Variants in NCAM2 observed in about 807,000 individuals in gnomAD.
NCAM2 encodes the protein neural cell adhesion molecule 2, also known as N-CAM-2.
A neutral mutation model predicts 98.1 loss-of-function variants in NCAM2; 30 were observed. The ratio of observed to expected loss-of-function variants is 0.31; its 90% confidence interval spans 0.23 to 0.41. The LOEUF is 0.41. Ranked by LOEUF, NCAM2 falls within the 10% of genes least tolerant of loss-of-function variation. NCAM2 has a pLI of 1.00. For synonymous variants in NCAM2, 368 were observed against 342.4 expected (o/e 1.07, Z -0.83); for missense variants, 867 against 1,005.8 (o/e 0.86, Z 1.87).
At chr21:21,341,821 A>G (rs748617979) in intron 8 of NCAM2, among the ~76,000 whole-genome samples, 2 of 152,060 alleles carry the variant, frequency 1.3e-5, no homozygotes, top group African/African-American at 4.8e-5. Flanking sequence ...ACTGAGCTCA[A>G]TAATTAGATA....
intron 1 of NCAM2, among the ~76,000 whole-genome samples, chr21:21,030,559 C>A (rs185470087): frequency 2.0e-5 from 3 of 152,312 alleles, no homozygotes; most frequent in Admixed American, 6.5e-5. Flanking sequence ...ATCACTCCTG[C>A]AAAGTCTTTT....
At chr21:21,006,463 A>T (rs111920279) in intron 1 of NCAM2, among the ~76,000 whole-genome samples, 9,781 of 152,180 alleles carry the variant, frequency 0.064, 309 homozygotes, top group African/African-American at 0.073. Flanking sequence ...AAGCAGAGAT[A>T]GCATCACTGC....
At chr21:21,116,809 C>A (rs1318315698) in intron 1 of NCAM2, among the ~76,000 whole-genome samples, 1 of 151,392 alleles carries the variant, frequency 6.6e-6, no homozygotes, top group African/African-American at 2.4e-5. Context: ...GAGCCGAGAT[C>A]GTGCCACTGC....
intron 1 of NCAM2, among the ~76,000 whole-genome samples, chr21:21,050,565 T>C (rs1298169818): frequency 6.6e-6 from 1 of 152,228 alleles, no homozygotes; most frequent in East Asian, 1.9e-4. Context: ...GTATCATTTT[T>C]GTTTGTCCTG....
intron 13 of NCAM2, 151 bp from the exon 14 acceptor site, chr21:21,468,511 C>G: frequency 2.8e-6 from 2 of 710,506 alleles, no homozygotes; most frequent in Non-Finnish European, 4.1e-6. Flanking sequence ...GGAAAATGTT[C>G]AGAAATTATA....
intron 1 of NCAM2, among the ~76,000 whole-genome samples, chr21:21,229,765 G>T (rs937375620): frequency 1.3e-5 from 2 of 151,216 alleles, no homozygotes; most frequent in Admixed American, 6.6e-5. Context: ...ATCCATTCTT[G>T]TATCAGTTAT....
chr21:21,531,918 A>G (rs1457418248), intron 16 of NCAM2, among the ~76,000 whole-genome samples: 3 of 149,726 alleles, frequency 2.0e-5, no homozygotes, highest in African/African-American at 7.4e-5. Flanking sequence ...GCGTGAACCC[A>G]GGAGCGGAGC....
chr21:21,338,426 A>T lies in NCAM2; in HGVS notation c.936A>T (p.Thr312=). The T allele has an allele frequency of 6.2e-7, 1 of 1,612,684 alleles. No individual in the cohort carries two copies. Among genetic ancestry groups the T allele is most frequent in the Non-Finnish European group, 8.5e-7 (1 of 1,179,046 alleles). Residue 312 remains threonine (T), a synonymous_variant, in exon 8 of 18, where the codon ACA becomes ACT. Transcript: ENST00000400546. Reference sequence around the variant, plus strand: ...TAATACAGCTTAAAAATGAAACTACATATGAGAATGGTCAAGTCACACTCG... The same window carrying T: ...TAATACAGCTTAAAAATGAAACTACTTATGAGAATGGTCAAGTCACACTCG... ...PHIIQLKNET[T]YENGQVTLVC... is the part of the protein sequence containing the mutation.
intron 16 of NCAM2, among the ~76,000 whole-genome samples, chr21:21,525,660 T>C (rs1216903225): frequency 6.6e-6 from 1 of 152,152 alleles, no homozygotes; most frequent in Non-Finnish European, 1.5e-5. Flanking sequence ...TTTCTCATTC[T>C]ATGAAGCCAG....
intron 1 of NCAM2, among the ~76,000 whole-genome samples, chr21:21,139,558 AT>A (rs2067125622): frequency 6.6e-6 from 1 of 152,188 alleles, no homozygotes; most frequent in African/African-American, 2.4e-5. Context: ...AAAACATCTA[AT>A]TGTAACAGTC....
At chr21:21,336,199 A>G (rs1444272946) in intron 7 of NCAM2, among the ~76,000 whole-genome samples, 2 of 152,186 alleles carry the variant, frequency 1.3e-5, no homozygotes, top group African/African-American at 2.4e-5. Context: ...CGTAGCTTCA[A>G]TTATGTTTAC....
At chr21:21,261,001 GAAGTA>G (rs1168858981) in intron 1 of NCAM2, among the ~76,000 whole-genome samples, 1 of 151,954 alleles carries the variant, frequency 6.6e-6, no homozygotes, top group East Asian at 1.9e-4. Flanking sequence ...CCAAAAGATT[GAAGTA>G]AAGTTATGTC....
intron 16 of NCAM2, among the ~76,000 whole-genome samples, chr21:21,522,632 C>CTTTTTTTTTTTTTT (rs61635255): frequency 2.4e-5 from 3 of 124,774 alleles, no homozygotes; most frequent in African/African-American, 5.9e-5. Flanking sequence ...TTTTCTTTTT[C>CTTTTTTTTTTTTTT]TTTTTTTTTT....
At chr21:21,444,601 G>A (rs1471923865) in intron 12 of NCAM2, among the ~76,000 whole-genome samples, 1 of 152,092 alleles carries the variant, frequency 6.6e-6, no homozygotes, top group East Asian at 1.9e-4. Context: ...ATTTCTTCTA[G>A]ATTTTCTAGT....
At chr21:21,511,135 C>G (rs973949615) in intron 16 of NCAM2, among the ~76,000 whole-genome samples, 1 of 151,952 alleles carries the variant, frequency 6.6e-6, no homozygotes, top group East Asian at 1.9e-4. Flanking sequence ...TCCAATTCTC[C>G]TCCTTTAGTT....
chr21:21,178,860 G>A (rs2068381234), intron 1 of NCAM2, among the ~76,000 whole-genome samples: 1 of 151,968 alleles, frequency 6.6e-6, no homozygotes, highest in Admixed American at 6.6e-5. Flanking sequence ...CTTCAGGCTT[G>A]AAGAGACTAT....
chr21:21,038,977 G>A (rs7510539), intron 1 of NCAM2, among the ~76,000 whole-genome samples: 143,225 of 152,206 alleles, frequency 0.94, 67,997 homozygotes, highest in East Asian at 1. Context: ...TCACTAAAGG[G>A]TATATTTCTT....
intron 1 of NCAM2, among the ~76,000 whole-genome samples, chr21:21,127,512 G>T (rs554503913): frequency 6.6e-6 from 1 of 151,882 alleles, no homozygotes; most frequent in Non-Finnish European, 1.5e-5. Context: ...TAATTTCTCT[G>T]TAACTATAGT....
intron 1 of NCAM2, among the ~76,000 whole-genome samples, chr21:21,156,738 T>C (rs1049207298): frequency 1.3e-5 from 2 of 152,076 alleles, no homozygotes; most frequent in African/African-American, 2.4e-5. Flanking sequence ...AGGTAATTTC[T>C]TCCAGAAACC....
Sources: gnomAD v4.1 joint callset for allele counts (sites outside exome capture counted in the v4.1 genomes callset) on GRCh38, gnomAD v4.1.1 for gene constraint, MANE v1.5 for transcripts, NCBI Gene and HGNC (gene_info 2026-07-23, HGNC 2026-07-21) for gene names.